BICRAL: variants seen among roughly 807,000 people sequenced by gnomAD.
BICRAL encodes the protein BICRA like chromatin remodeling complex associated protein.
A neutral mutation model predicts 91.8 loss-of-function variants in BICRAL; 8 were observed. The observed-to-expected ratio is 0.09, with a 90% CI of 0.05 to 0.16. BICRAL has a LOEUF of 0.16. Ranked by LOEUF, BICRAL falls within the 10% of genes least tolerant of loss-of-function variation. The pLI is 1.00. For synonymous variants in BICRAL, 445 were observed against 491.1 expected (o/e 0.91, Z 1.24); for missense variants, 1,038 against 1,310.9 (o/e 0.79, Z 3.21).
At chr6:42,798,598 A>C (rs1763484065) in intron 1 of BICRAL, among the ~76,000 whole-genome samples, 1 of 152,132 alleles carries the variant, frequency 6.6e-6, no homozygotes, top group Non-Finnish European at 1.5e-5. Flanking sequence ...CGGGAGGCTG[A>C]GATAGGAGAA....
intron 1 of BICRAL, among the ~76,000 whole-genome samples, chr6:42,760,574 A>G (rs1329680858): frequency 6.6e-6 from 1 of 151,038 alleles, no homozygotes; most frequent in South Asian, 2.1e-4. Flanking sequence ...TATTATTACT[A>G]TTATTATTAT....
At chr6:42,797,448 G>A (rs74454693) in intron 1 of BICRAL, among the ~76,000 whole-genome samples, 1 of 152,004 alleles carries the variant, frequency 6.6e-6, no homozygotes, top group Non-Finnish European at 1.5e-5. Flanking sequence ...AAAAAAAAAA[G>A]TTATAGTCAA....
At chr6:42,851,639 A>T (rs1234503042) in intron 6 of BICRAL, among the ~76,000 whole-genome samples, 1 of 152,238 alleles carries the variant, frequency 6.6e-6, no homozygotes, top group East Asian at 1.9e-4. Flanking sequence ...TCTACACAGC[A>T]AAACAATGAG....
chr6:42,794,230 T>G (rs1371833182), intron 1 of BICRAL, among the ~76,000 whole-genome samples: 1 of 152,054 alleles, frequency 6.6e-6, no homozygotes, highest in African/African-American at 2.4e-5. Flanking sequence ...ATTTATTTTT[T>G]TACAGCATGT....
At chr6:42,857,614 A>AAAATATATATATATAT in intron 10 of BICRAL, among the ~76,000 whole-genome samples, 2 of 96,224 alleles carry the variant, frequency 2.1e-5, no homozygotes, top group African/African-American at 1.3e-4. Flanking sequence ...AAAAAAAAAA[A>AAAATATATATATATAT]ATATATATAT....
At chr6:42,833,118 C>T (rs548103571) in intron 6 of BICRAL, among the ~76,000 whole-genome samples, 4 of 151,504 alleles carry the variant, frequency 2.6e-5, no homozygotes, top group Admixed American at 1.3e-4. Flanking sequence ...TGCAGTAGCC[C>T]GATCTCAGCT....
intron 6 of BICRAL, among the ~76,000 whole-genome samples, chr6:42,841,564 C>T (rs1157421003): frequency 1.2e-4 from 19 of 152,138 alleles, no homozygotes; most frequent in Admixed American, 1.2e-3. Context: ...GTAGCTCAGC[C>T]TGCCTTCCTT....
At chr6:42,782,952 G>A (rs1249560620) in intron 1 of BICRAL, among the ~76,000 whole-genome samples, 2 of 143,810 alleles carry the variant, frequency 1.4e-5, no homozygotes, top group Non-Finnish European at 3.1e-5. Context: ...TTTCTTCTCG[G>A]CAAAATGGAC....
intron 10 of BICRAL, among the ~76,000 whole-genome samples, chr6:42,857,637 T>TATATATATATATATATATATATATA (rs1554283197): frequency 1.1e-5 from 1 of 94,180 alleles, no homozygotes; most frequent in African/African-American, 6.8e-5. Flanking sequence ...ATATATATAT[T>TATATATATATATATATATATATATA]TTTTAGGAGG....
intron 1 of BICRAL, among the ~76,000 whole-genome samples, chr6:42,749,556 G>A (rs2152018036): frequency 6.6e-6 from 1 of 152,222 alleles, no homozygotes; most frequent in South Asian, 2.1e-4. Flanking sequence ...CCAACACAAA[G>A]AAGTGATAAA....
chr6:42,801,212 C>T (rs1458361727), intron 1 of BICRAL, among the ~76,000 whole-genome samples: 1 of 148,736 alleles, frequency 6.7e-6, no homozygotes, highest in Non-Finnish European at 1.5e-5. Flanking sequence ...GATCAAGCCA[C>T]TGCACTCCAG....
At chr6:42,803,152 A>G (rs1763623282) in intron 1 of BICRAL, among the ~76,000 whole-genome samples, 2 of 152,204 alleles carry the variant, frequency 1.3e-5, no homozygotes, top group Admixed American at 6.5e-5. Flanking sequence ...ATAATAAATT[A>G]CTGTGCTAAA....
intron 4 of BICRAL, 40 bp from the exon 5 acceptor site, chr6:42,822,895 G>T (rs371991695): frequency 5.9e-6 from 9 of 1,525,272 alleles, no homozygotes; most frequent in African/African-American, 1.4e-5. Flanking sequence ...CTGCTTTACA[G>T]TTAAAGTAGT....
intron 1 of BICRAL, among the ~76,000 whole-genome samples, chr6:42,791,577 A>G (rs1404990373): frequency 1.3e-5 from 2 of 152,144 alleles, no homozygotes; most frequent in Non-Finnish European, 2.9e-5. Flanking sequence ...AAGAAATAAT[A>G]TTTGTTAAAC....
chr6:42,747,217 A>G (rs1199008166), intron 1 of BICRAL, among the ~76,000 whole-genome samples: 1 of 152,228 alleles, frequency 6.6e-6, no homozygotes, highest in East Asian at 1.9e-4. Context: ...CAAAAACCCG[A>G]GGCAGCGGGC....
intron 1 of BICRAL, among the ~76,000 whole-genome samples, chr6:42,785,295 C>T (rs1763070426): frequency 6.6e-6 from 1 of 152,078 alleles, no homozygotes; most frequent in Admixed American, 6.6e-5. Context: ...CACGGTGGCT[C>T]ATGCCTGTAA....
chr6:42,753,875 G>A (rs954435594), intron 1 of BICRAL, among the ~76,000 whole-genome samples: 3 of 152,170 alleles, frequency 2.0e-5, no homozygotes, highest in African/African-American at 4.8e-5. Context: ...GCTTCCCAAA[G>A]TGCTGGGATT....
intron 1 of BICRAL, among the ~76,000 whole-genome samples, chr6:42,786,489 C>CTAAAA (rs200396233): frequency 2.8e-5 from 3 of 108,582 alleles, no homozygotes; most frequent in African/African-American, 1.5e-4. Context: ...AGGGGGAAAT[C>CTAAAA]TAAAACTGCT....
At chr6:42,826,325 C>CCTGG (rs1764301221) in intron 5 of BICRAL, among the ~76,000 whole-genome samples, 2 of 150,116 alleles carry the variant, frequency 1.3e-5, no homozygotes, top group South Asian at 4.2e-4. Context: ...ACCTCCACCT[C>CCTGG]CTGGGTTCCA....
Sources: gnomAD v4.1 joint callset for allele counts (sites outside exome capture counted in the v4.1 genomes callset) on GRCh38, gnomAD v4.1.1 for gene constraint, MANE v1.5 for transcripts, NCBI Gene and HGNC (gene_info 2026-07-23, HGNC 2026-07-21) for gene names.